DNAH12: variants seen among roughly 807,000 people sequenced by gnomAD.
The protein encoded by DNAH12 is axonemal beta dynein heavy chain 12.
In DNAH12, 285 loss-of-function variants were observed where a neutral mutation model predicts 371.5. The ratio of observed to expected loss-of-function variants is 0.77; its 90% CI spans 0.70 to 0.85. The LOEUF is 0.85. DNAH12 is among the 40% of genes least tolerant of loss of function. The pLI, the probability that DNAH12 is intolerant of heterozygous loss-of-function variation, is 0.00. For missense variants in DNAH12, 3,611 were observed against 3,689.4 expected, an observed-to-expected ratio of 0.98 and a Z score of 0.55; for synonymous variants, 1,200 against 1,213.0, an observed-to-expected ratio of 0.99 and a Z score of 0.22.
intron 65 of DNAH12, among the ~76,000 whole-genome samples, chr3:57,317,069 A>G (rs902534457): frequency 6.6e-6 from 1 of 152,194 alleles, no homozygotes; most frequent in Non-Finnish European, 1.5e-5. Flanking sequence ...TATTTAAACT[A>G]ACTGAAATCT....
chr3:57,521,082 A>C (rs2068420270), intron 4 of DNAH12, among the ~76,000 whole-genome samples: 1 of 131,520 alleles, frequency 7.6e-6, no homozygotes. Flanking sequence ...AAAAAAAAAA[A>C]AAAAAAAAAA....
At position 57,351,267 on chromosome 3, in the gene DNAH12, AAAAC is replaced by A. The variant is rs565309167; in HGVS notation, c.9674+814_9674+817del. The stretch of plus-strand genomic sequence containing the variant: ...CTGGGCAACAGAGTGAGACTGTCTC[AAAAC>A]AAACAAACAAACAAACAAACAAAAA... On this transcript the variant is annotated intron_variant, in intron 60 of 73. Coordinates refer to ENST00000495027, the MANE Select transcript of DNAH12 (RefSeq NM_001366028.2). Among the ~76,000 whole-genome samples the A allele has an allele frequency of 6.6e-3, 998 of 151,986 alleles. 5 individuals carry two copies. The highest frequency in any genetic ancestry group is 0.011 in the Non-Finnish European group (726 of 67,960).
chr3:57,555,270 TAAAC>T, the DNAH12 span, among the ~76,000 whole-genome samples: 5 of 151,974 alleles, frequency 3.3e-5, no homozygotes, highest in African/African-American at 7.3e-5. Context: ...AATAAACAGA[TAAAC>T]AACTATTTCT....
At chr3:57,448,023 C>T (rs758333389) in intron 25 of DNAH12, among the ~76,000 whole-genome samples, 1 of 152,138 alleles carries the variant, frequency 6.6e-6, no homozygotes, top group Non-Finnish European at 1.5e-5. Flanking sequence ...TGCCCATTAA[C>T]TTGATTGCTG....
intron 73 of DNAH12, among the ~76,000 whole-genome samples, chr3:57,294,472 G>A (rs922353935): frequency 1.3e-5 from 2 of 152,150 alleles, no homozygotes; most frequent in African/African-American, 4.8e-5. Flanking sequence ...ACTGCGCCCA[G>A]CCCAAGGCAA....
chr3:57,295,576 G>T lies in DNAH12; in HGVS notation c.11641C>A (p.Gln3881Lys), dbSNP rs978406677. 3 of 1,544,716 alleles carry T rather than the reference G, an allele frequency of 1.9e-6. No individual in the cohort carries two copies. The highest frequency in any genetic ancestry group is 1.4e-5 in the African/African-American group (1 of 72,752). The stretch of plus-strand genomic sequence containing the variant: ...AGGTCAAACAGAAGTTTGGGATATT[G>T]TTCAGCAAGCAATCCACTGTAACGA... ...WDRESGLLAE[Q>K]YPKLLFDLMP... The change falls in exon 73 of 74, where the codon CAA becomes AAA. Residue 3881 changes from glutamine to lysine, a missense_variant. This residue lies in a region of DNAH12 where 2,266 missense variants were observed against 2,236.9 expected (regional missense o/e 1.01). Transcript: ENST00000495027.
intron 13 of DNAH12, among the ~76,000 whole-genome samples, chr3:57,475,755 T>C (rs1035768587): frequency 6.6e-6 from 1 of 152,178 alleles, no homozygotes; most frequent in African/African-American, 2.4e-5. Flanking sequence ...TTTCACCCAA[T>C]AGACTGGCAA....
At chr3:57,405,588 CTT>C in intron 41 of DNAH12, 63 bp downstream of exon 41, 5 of 1,430,652 alleles carry the variant, frequency 3.5e-6, no homozygotes, top group Non-Finnish European at 4.7e-6. Context: ...AAAAATATAA[CTT>C]AATTGTAACA....
intron 56 of DNAH12, 126 bp downstream of exon 56, chr3:57,367,918 CAT>C (rs2063086628): frequency 1.3e-5 from 2 of 152,200 alleles, no homozygotes; most frequent in African/African-American, 4.8e-5. Context: ...TCCTTTCACT[CAT>C]AACAATGAGC....
chr3:57,297,960 T>C (rs181811688), intron 70 of DNAH12, among the ~76,000 whole-genome samples: 11 of 152,322 alleles, frequency 7.2e-5, no homozygotes, highest in African/African-American at 2.4e-4. Context: ...ACCAAAAACA[T>C]AGATACTTCA....
chr3:57,335,591 T>A (rs946249251), intron 60 of DNAH12, among the ~76,000 whole-genome samples: 1 of 152,246 alleles, frequency 6.6e-6, no homozygotes, highest in South Asian at 2.1e-4. Context: ...CATATTACTG[T>A]ACTGAATACA....
intron 9 of DNAH12, 71 bp from the exon 10 acceptor site, chr3:57,502,550 C>CTT: frequency 1.3e-5 from 12 of 959,560 alleles, no homozygotes; most frequent in Admixed American, 3.1e-5. Flanking sequence ...ATATGTAGAT[C>CTT]TTTTTTTTTT....
At chr3:57,463,316 C>T (rs998469836) in intron 17 of DNAH12, among the ~76,000 whole-genome samples, 1 of 151,398 alleles carries the variant, frequency 6.6e-6, no homozygotes, top group Non-Finnish European at 1.5e-5. Flanking sequence ...AATTCAAATT[C>T]ATTATATATA....
intron 17 of DNAH12, among the ~76,000 whole-genome samples, chr3:57,463,628 A>C (rs2066118424): frequency 6.6e-6 from 1 of 152,106 alleles, no homozygotes; most frequent in South Asian, 2.1e-4. Flanking sequence ...CTTCGTTTTA[A>C]CCTTCCATTG....
At chr3:57,390,731 C>A in intron 45 of DNAH12, among the ~76,000 whole-genome samples, 1 of 151,782 alleles carries the variant, frequency 6.6e-6, no homozygotes, top group Non-Finnish European at 1.5e-5. Context: ...AGGCAGTGGC[C>A]TTCATCATTT....
intron 62 of DNAH12, among the ~76,000 whole-genome samples, chr3:57,326,837 T>C (rs1284998935): frequency 2.0e-5 from 3 of 152,104 alleles, no homozygotes; most frequent in Non-Finnish European, 2.9e-5. Context: ...GAGACACACA[T>C]AGGCTCAAAA....
At chr3:57,488,903 C>T (rs189343509) in intron 12 of DNAH12, among the ~76,000 whole-genome samples, 1 of 151,966 alleles carries the variant, frequency 6.6e-6, no homozygotes, top group African/African-American at 2.4e-5. Flanking sequence ...GTGGCATGGT[C>T]TTCCCACTTT....
chr3:57,447,628 AAG>A lies in DNAH12; in HGVS notation c.3787-941_3787-940del, dbSNP rs1220622875. 5.3e-5 allele frequency among the ~76,000 whole-genome samples: 8 copies of A among 152,084 alleles called. No individual in the cohort carries two copies. In the South Asian group the frequency reaches 1.7e-3, roughly 32 times the overall value. On this transcript the variant is annotated intron_variant, in intron 25 of 73. Coordinates refer to ENST00000495027, the MANE Select transcript of DNAH12 (RefSeq NM_001366028.2). ...TATTTTTACTTTATTTTAAAAATCC[AAG>A]AGAGACAGCTAGTGTAAAAAATGCA...
Position 57,537,670 on chromosome 3 carries a change from A to T in DNAH12, c.170+5031T>A, listed in dbSNP as rs897310810. On this transcript the variant is annotated intron_variant, in intron 2 of 73. Coordinates refer to ENST00000495027, the MANE Select transcript of DNAH12 (RefSeq NM_001366028.2). ...CCTTTAATTTTATCAGGTATTTTTT[A>T]AAAAATGGTTTCTAAAAGTTTTTTT... Among the ~76,000 whole-genome samples the T allele has an allele frequency of 5.3e-5, 8 of 151,190 alleles. No individual in the cohort carries two copies. The South Asian group carries it at 6.3e-4, about 12-fold the overall frequency.
Sources: gnomAD v4.1 joint callset for allele counts (sites outside exome capture counted in the v4.1 genomes callset) on GRCh38, gnomAD v4.1.1 for gene constraint, gnomAD v4.1.1 regional missense constraint, MANE v1.5 for transcripts, NCBI Gene and HGNC (gene_info 2026-07-23, HGNC 2026-07-21) for gene names.